LGSN: variants seen among roughly 807,000 people sequenced by gnomAD.
The protein encoded by LGSN is lengsin.
Under a neutral mutation model 19.5 loss-of-function variants are expected in LGSN, and 21 were observed. The ratio of observed to expected loss-of-function variants is 1.07; its 90% CI spans 0.76 to 1.55. The LOEUF (loss-of-function observed/expected upper bound fraction) is 1.55. LGSN is among the 40% of genes most tolerant of loss of function. The pLI is 0.00. For missense variants in LGSN, 673 were observed against 608.5 expected (o/e 1.11, Z -1.12); for synonymous variants, 257 against 215.6 (o/e 1.19, Z -1.68).
At chr6:63,562,692 G>A in the LGSN span, among the ~76,000 whole-genome samples, 1 of 152,124 alleles carries the variant, frequency 6.6e-6, no homozygotes, top group African/African-American at 2.4e-5. Context: ...AGCTATTCTT[G>A]CTGTTATTGT....
At chr6:63,460,011 C>T in the LGSN span, among the ~76,000 whole-genome samples, 1 of 150,558 alleles carries the variant, frequency 6.6e-6, no homozygotes, top group African/African-American at 2.4e-5. Flanking sequence ...CTTCATTGTG[C>T]AACAAACTTT....
chr6:63,413,128 G>A, the LGSN span, among the ~76,000 whole-genome samples: 9 of 151,838 alleles, frequency 5.9e-5, no homozygotes, highest in African/African-American at 2.2e-4. Context: ...TACCAGTGTT[G>A]AACACTCATA....
the LGSN span, among the ~76,000 whole-genome samples, chr6:63,368,306 A>G: frequency 6.6e-6 from 1 of 152,122 alleles, no homozygotes; most frequent in East Asian, 1.9e-4. Flanking sequence ...TGAATCTCTT[A>G]CGGCACCCTC....
intron 1 of LGSN, among the ~76,000 whole-genome samples, chr6:63,318,456 G>A (rs1049544555): frequency 4.6e-5 from 7 of 152,062 alleles, no homozygotes; most frequent in Non-Finnish European, 1.0e-4. Flanking sequence ...CTGAGAATGC[G>A]AACCTATACA....
chr6:63,349,238 G>A, the LGSN span, among the ~76,000 whole-genome samples: 1 of 152,174 alleles, frequency 6.6e-6, no homozygotes, highest in Admixed American at 6.5e-5. Flanking sequence ...AATCAGAACT[G>A]TGCTTTGGAA....
At chr6:63,352,706 GAC>G in the LGSN span, among the ~76,000 whole-genome samples, 1 of 148,628 alleles carries the variant, frequency 6.7e-6, no homozygotes, top group Admixed American at 6.7e-5. Context: ...CACACACACA[GAC>G]ACACAGTTTT....
At chr6:63,442,057 A>C in the LGSN span, among the ~76,000 whole-genome samples, 1 of 152,150 alleles carries the variant, frequency 6.6e-6, no homozygotes, top group Non-Finnish European at 1.5e-5. Context: ...CTGACTTAAG[A>C]AGTGAGGCGC....
the LGSN span, among the ~76,000 whole-genome samples, chr6:63,484,176 C>A: frequency 6.6e-6 from 1 of 151,524 alleles, no homozygotes; most frequent in African/African-American, 2.4e-5. Context: ...AAAACTAATT[C>A]ATGCACCACC....
At chr6:63,567,323 C>G in the LGSN span, among the ~76,000 whole-genome samples, 1 of 152,166 alleles carries the variant, frequency 6.6e-6, no homozygotes, top group Non-Finnish European at 1.5e-5. Flanking sequence ...AATATTAAAA[C>G]CTGAAAGTCA....
the LGSN span, among the ~76,000 whole-genome samples, chr6:63,402,188 A>G: frequency 6.6e-6 from 1 of 152,212 alleles, no homozygotes; most frequent in East Asian, 1.9e-4. Flanking sequence ...GTTGTCAGGC[A>G]ACTGAAAACC....
At chr6:63,441,361 TG>T in the LGSN span, 5 of 474,338 alleles carry the variant, frequency 1.1e-5, no homozygotes, top group Admixed American at 9.5e-5. Context: ...AACAACAGGC[TG>T]GTCACCTTGT....
chr6:63,478,118 A>G, the LGSN span, among the ~76,000 whole-genome samples: 1 of 152,194 alleles, frequency 6.6e-6, no homozygotes. Flanking sequence ...TATATCTTAT[A>G]CTGTAAAGAT....
chr6:63,564,275 CA>C, the LGSN span, among the ~76,000 whole-genome samples: 18,814 of 95,516 alleles, frequency 0.2, 1,364 homozygotes, highest in African/African-American at 0.32. Context: ...GACTCTGTCT[CA>C]AAAAAAAAAA....
At chr6:63,299,650 T>C (rs896740840) in intron 1 of LGSN, among the ~76,000 whole-genome samples, 4 of 152,130 alleles carry the variant, frequency 2.6e-5, no homozygotes, top group Non-Finnish European at 5.9e-5. Flanking sequence ...AAATGAAAAA[T>C]TTTTCTGAAA....
At chr6:63,307,648 G>A (rs1156917399) in intron 1 of LGSN, among the ~76,000 whole-genome samples, 1 of 152,168 alleles carries the variant, frequency 6.6e-6, no homozygotes, top group African/African-American at 2.4e-5. Context: ...CTCCCTGGTG[G>A]CACCATTATG....
the LGSN span, among the ~76,000 whole-genome samples, chr6:63,502,702 G>A: frequency 6.6e-6 from 1 of 152,124 alleles, no homozygotes; most frequent in African/African-American, 2.4e-5. Context: ...AGAGAAAAAC[G>A]AGTAAATCCT....
At chr6:63,422,310 C>T in the LGSN span, among the ~76,000 whole-genome samples, 1 of 152,098 alleles carries the variant, frequency 6.6e-6, no homozygotes, top group African/African-American at 2.4e-5. Flanking sequence ...GTTACCTGCC[C>T]ACCTCGACCT....
the LGSN span, among the ~76,000 whole-genome samples, chr6:63,400,328 C>T: frequency 6.6e-6 from 1 of 152,122 alleles, no homozygotes. Flanking sequence ...AGAATATTTC[C>T]TTATAAGCTG....
At chr6:63,505,277 TAAG>T in the LGSN span, among the ~76,000 whole-genome samples, 1 of 151,900 alleles carries the variant, frequency 6.6e-6, no homozygotes, top group Non-Finnish European at 1.5e-5. Flanking sequence ...TCTCTTTAGT[TAAG>T]AAATTCTAAA....
Sources: allele counts gnomAD v4.1 joint callset (sites outside exome capture counted in the v4.1 genomes callset), GRCh38; gene constraint gnomAD v4.1.1; transcripts MANE v1.5; gene names NCBI Gene and HGNC (gene_info 2026-07-23, HGNC 2026-07-21).